ARNT: variants seen among roughly 807,000 people sequenced by gnomAD.
ARNT encodes class E basic helix-loop-helix protein 2.
A neutral mutation model predicts 105.0 loss-of-function variants in ARNT; 30 were observed. The ratio of observed to expected loss-of-function variants is 0.29; its 90% CI spans 0.21 to 0.39. The LOEUF (loss-of-function observed/expected upper bound fraction) is 0.39, where lower values mean the gene tolerates loss of function less well. ARNT is among the 10% of genes least tolerant of loss of function. The probability of loss-of-function intolerance (pLI) is 1.00; values close to 1 mark genes in which losing one functional copy is unlikely to be tolerated. For synonymous variants in ARNT, 304 were observed against 344.0 expected, an observed-to-expected ratio of 0.88 and a Z score of 1.29; for missense variants, 748 against 978.7, an observed-to-expected ratio of 0.76 and a Z score of 3.15.
At chr1:150,876,165 G>A (rs1042430329) in intron 1 of ARNT, among the ~76,000 whole-genome samples, 3 of 152,246 alleles carry the variant, frequency 2.0e-5, no homozygotes, top group African/African-American at 7.2e-5. Flanking sequence ...AGTAAACCGA[G>A]ACACTCTGCC....
At chr1:150,834,167 C>T (rs899545325) in intron 8 of ARNT, among the ~76,000 whole-genome samples, 4 of 152,048 alleles carry the variant, frequency 2.6e-5, no homozygotes, top group Non-Finnish European at 5.9e-5. Context: ...TCTCAAACTC[C>T]TGACCTCAGG....
Position 150,842,447 on chromosome 1 carries a change from A to G in ARNT, c.249T>C (p.Ser83=), listed in dbSNP as rs10305678. ...ACCTGGCAAGTCTCTCTTTATCCGC[A>G]GAGCTCTGCTCATCATCCGACCTAA... ...RFARSDDEQS[S]ADKERLAREN... is the part of the protein sequence containing the mutation. The change falls in exon 5 of 22, where the codon TCT becomes TCC. Residue 83 remains serine (S), a synonymous_variant. Transcript: ENST00000358595. The G allele has an allele frequency of 2.4e-4, 394 of 1,611,980 alleles. 3 individuals carry two copies. In the East Asian group the frequency reaches 8.3e-3, roughly 34 times the overall value.
intron 1 of ARNT, among the ~76,000 whole-genome samples, chr1:150,872,485 T>A (rs887095677): frequency 3.9e-5 from 6 of 152,206 alleles, no homozygotes; most frequent in Non-Finnish European, 7.3e-5. Context: ...AACTTGTACA[T>A]AATAGCACAA....
intron 3 of ARNT, among the ~76,000 whole-genome samples, chr1:150,847,150 G>A (rs1662372718): frequency 1.3e-5 from 2 of 152,002 alleles, no homozygotes; most frequent in Admixed American, 6.6e-5. Flanking sequence ...AGAAGGGGGA[G>A]GCTGGGCGCA....
intron 4 of ARNT, among the ~76,000 whole-genome samples, chr1:150,843,070 A>C: frequency 6.6e-6 from 1 of 152,188 alleles, no homozygotes; most frequent in South Asian, 2.1e-4. Context: ...TCACTGGAGA[A>C]ATTATATAAA....
At chr1:150,837,744 C>A (rs1194532257) in intron 6 of ARNT, among the ~76,000 whole-genome samples, 1 of 152,094 alleles carries the variant, frequency 6.6e-6, no homozygotes, top group African/African-American at 2.4e-5. Context: ...ACATGACTAA[C>A]GTTTTTTCCT....
intron 3 of ARNT, among the ~76,000 whole-genome samples, chr1:150,847,671 C>T (rs1662501154): frequency 6.6e-6 from 1 of 152,168 alleles, no homozygotes; most frequent in African/African-American, 2.4e-5. Flanking sequence ...ATCTTTCATA[C>T]ACACAGTGAA....
chr1:150,817,863 G>T, intron 15 of ARNT, 57 bp downstream of exon 15: 2 of 1,300,936 alleles, frequency 1.5e-6, no homozygotes, highest in Non-Finnish European at 2.1e-6. Context: ...ATATGGGATT[G>T]CAAATGACCA....
chr1:150,875,779 G>A (rs1398782962), intron 1 of ARNT, among the ~76,000 whole-genome samples: 5 of 152,188 alleles, frequency 3.3e-5, no homozygotes, highest in Admixed American at 6.6e-5. Flanking sequence ...TTTTGAAATT[G>A]AGAAATGGTG....
At chr1:150,873,711 G>C (rs2102521322) in intron 1 of ARNT, among the ~76,000 whole-genome samples, 1 of 152,150 alleles carries the variant, frequency 6.6e-6, no homozygotes, top group Non-Finnish European at 1.5e-5. Context: ...TTGAGGACAG[G>C]AGTTCAAGAT....
intron 3 of ARNT, among the ~76,000 whole-genome samples, chr1:150,849,458 T>C (rs1662899748): frequency 6.6e-6 from 1 of 152,130 alleles, no homozygotes. Flanking sequence ...ATATCCCCCT[T>C]TTCTGAAAGA....
chr1:150,858,643 T>TCTCA (rs1023182222), intron 1 of ARNT, among the ~76,000 whole-genome samples, 183 bp from the exon 2 acceptor site: 2 of 145,992 alleles, frequency 1.4e-5, no homozygotes, highest in African/African-American at 5.0e-5. Context: ...TGAGACCAGG[T>TCTCA]CTCACTCTGT....
intron 1 of ARNT, among the ~76,000 whole-genome samples, chr1:150,863,928 T>C (rs1375367994): frequency 6.6e-6 from 1 of 152,154 alleles, no homozygotes; most frequent in Non-Finnish European, 1.5e-5. Context: ...AACAGGGATA[T>C]GTTCTGAGAA....
intron 14 of ARNT, among the ~76,000 whole-genome samples, chr1:150,822,360 T>C (rs1330457944): frequency 1.3e-5 from 2 of 152,120 alleles, no homozygotes; most frequent in African/African-American, 4.8e-5. Flanking sequence ...AAGGTAAAAT[T>C]AGAGGGCTGG....
chr1:150,814,127 G>A lies in ARNT; in HGVS notation c.2063C>T (p.Ser688Leu), dbSNP rs749440287. 1.0e-4 allele frequency: 164 copies of A among 1,614,068 alleles called. No individual in the cohort carries two copies. Among genetic ancestry groups the A allele is most frequent in the Non-Finnish European group, 1.3e-4 (151 of 1,180,056 alleles). Residue 688 changes from serine (S) to leucine (L), a missense_variant, in exon 20 of 22, where the codon TCG becomes TTG. Physicochemically the swap from Ser to Leu is moderately radical, Grantham distance 145. This residue lies in a region of ARNT where 360 missense variants were observed against 411.9 expected (regional missense o/e 0.87). Transcript: ENST00000358595. Reference sequence around the variant, plus strand: ...ACTAGGGTAGGCAGCAGCACCAGGCGATGCAGTTGGGGCACCAGGGAGGGA... The same window carrying A: ...ACTAGGGTAGGCAGCAGCACCAGGCAATGCAGTTGGGGCACCAGGGAGGGA... Reference protein sequence around the residue: ...SMSLPGAPTASPGAAAYPSLT... With the variant: ...SMSLPGAPTALPGAAAYPSLT...
chr1:150,823,354 G>GT lies in ARNT; in HGVS notation c.1243-10dup, dbSNP rs1337808208. The GT allele has an allele frequency of 6.3e-7, 1 of 1,582,558 alleles. No homozygotes were observed. The highest frequency in any genetic ancestry group is 8.6e-7 in the Non-Finnish European group (1 of 1,161,430). On this transcript the variant is annotated splice_polypyrimidine_tract_variant and intron_variant, in intron 13 of 21. Coordinates refer to ENST00000358595, the MANE Select transcript of ARNT (RefSeq NM_001668.4). ...CCTTTTAATTTCACTACCTGAAAAAGTTTTCATGCCATCAGTGGAACTCAT... is the reference window on the plus strand; with the variant it reads ...CCTTTTAATTTCACTACCTGAAAAAGTTTTTCATGCCATCAGTGGAACTCAT...
At chr1:150,824,319 A>T (rs1412838416) in intron 13 of ARNT, among the ~76,000 whole-genome samples, 1 of 152,048 alleles carries the variant, frequency 6.6e-6, no homozygotes, top group Admixed American at 6.5e-5. Flanking sequence ...TGGGAAATCC[A>T]TTAAAGATAC....
At chr1:150,870,800 T>C (rs1312422364) in intron 1 of ARNT, among the ~76,000 whole-genome samples, 1 of 151,512 alleles carries the variant, frequency 6.6e-6, no homozygotes, top group Non-Finnish European at 1.5e-5. Context: ...TGAGCCACCA[T>C]GTCCAGCCCT....
chr1:150,841,781 T>C (rs956775480), intron 5 of ARNT, among the ~76,000 whole-genome samples: 1 of 152,210 alleles, frequency 6.6e-6, no homozygotes, highest in Non-Finnish European at 1.5e-5. Context: ...GCCTAAGACA[T>C]AAAATTCTAT....
Sources: gnomAD v4.1 joint callset for allele counts (sites outside exome capture counted in the v4.1 genomes callset) on GRCh38, gnomAD v4.1.1 for gene constraint, gnomAD v4.1.1 regional missense constraint, MANE v1.5 for transcripts, NCBI Gene and HGNC (gene_info 2026-07-23, HGNC 2026-07-21) for gene names.